Variants in DHX15 observed in about 807,000 individuals in gnomAD.
DHX15 encodes the protein DEAH-box helicase 15, also known as ATP-dependent RNA helicase DHX15.
Under a neutral mutation model 94.4 loss-of-function variants are expected in DHX15, and 11 were observed. That is an observed-to-expected ratio of 0.12 (90% CI 0.07 to 0.19). The LOEUF (loss-of-function observed/expected upper bound fraction) is 0.19. DHX15 is among the 10% of genes least tolerant of loss of function. The pLI, the probability that DHX15 is intolerant of heterozygous loss-of-function variation, is 1.00. For missense variants in DHX15, 304 were observed against 988.5 expected (o/e 0.31, Z 9.29); for synonymous variants, 338 against 329.9 (o/e 1.02, Z -0.27).
At chr4:24,528,759 G>C (rs16875757) in intron 13 of DHX15, among the ~76,000 whole-genome samples, 1 of 151,976 alleles carries the variant, frequency 6.6e-6, no homozygotes, top group Admixed American at 6.5e-5. Context: ...AAAACAATCC[G>C]TTCTTACTCT....
rs1577355923 is a variant in DHX15, at chr4:24,584,486, C to A, written c.-93G>T. ...CAGCCACTTAACTCTGGAGGACCCCCACCCCTCCCGCTACTACAGCCCACA... is the reference window on the plus strand; with the variant it reads ...CAGCCACTTAACTCTGGAGGACCCCAACCCCTCCCGCTACTACAGCCCACA... On this transcript the variant is annotated 5_prime_UTR_variant, in exon 1 of 14. Transcript: ENST00000336812. 1.6e-6 allele frequency: 2 copies of A among 1,239,646 alleles called. No individual in the cohort carries two copies. The highest frequency in any genetic ancestry group is 2.3e-6 in the Non-Finnish European group (2 of 886,686). The allele number at this position is 1,239,646 out of a possible 1,614,324, so 76.8% of individuals were successfully genotyped here.
intron 3 of DHX15, among the ~76,000 whole-genome samples, chr4:24,568,317 A>G (rs1450872031): frequency 6.6e-6 from 1 of 152,184 alleles, no homozygotes; most frequent in Non-Finnish European, 1.5e-5. Context: ...GCAAAGTTAC[A>G]TTTGAAATTT....
intron 1 of DHX15, among the ~76,000 whole-genome samples, chr4:24,578,463 A>G (rs1187086515): frequency 2.0e-5 from 3 of 152,254 alleles, no homozygotes; most frequent in Non-Finnish European, 2.9e-5. Flanking sequence ...CAGCTAGAAA[A>G]GAACTCTTAA....
chr4:24,543,535 C>T (rs1251016142), intron 6 of DHX15, among the ~76,000 whole-genome samples: 2 of 152,106 alleles, frequency 1.3e-5, no homozygotes, highest in Non-Finnish European at 2.9e-5. Context: ...TAAGAATGGA[C>T]AGATCAGCAG....
At chr4:24,578,723 G>A (rs761275145) in intron 1 of DHX15, among the ~76,000 whole-genome samples, 7 of 151,948 alleles carry the variant, frequency 4.6e-5, no homozygotes, top group African/African-American at 1.7e-4. Flanking sequence ...GCACCACCAC[G>A]CCTCGCTAAT....
intron 5 of DHX15, among the ~76,000 whole-genome samples, chr4:24,550,780 G>T (rs564813887): frequency 6.6e-6 from 1 of 152,176 alleles, no homozygotes; most frequent in South Asian, 2.1e-4. Context: ...GATAAAACAT[G>T]TAGTATAGTA....
intron 3 of DHX15, among the ~76,000 whole-genome samples, chr4:24,559,949 C>CA (rs1274889483): frequency 6.6e-6 from 1 of 152,158 alleles, no homozygotes; most frequent in Non-Finnish European, 1.5e-5. Context: ...TCTAAAGTAG[C>CA]AAAAACATCC....
At chr4:24,570,278 T>C (rs1243181222) in intron 3 of DHX15, among the ~76,000 whole-genome samples, 1 of 151,024 alleles carries the variant, frequency 6.6e-6, no homozygotes, top group Non-Finnish European at 1.5e-5. Flanking sequence ...ATAAATCACA[T>C]CCCATCCTAT....
chr4:24,560,152 T>C (rs1181854960), intron 3 of DHX15, among the ~76,000 whole-genome samples: 1 of 152,058 alleles, frequency 6.6e-6, no homozygotes, highest in Non-Finnish European at 1.5e-5. Context: ...ACATCACTAA[T>C]TCTGATTTGA....
chr4:24,576,368 A>G lies in DHX15; in HGVS notation c.382T>C (p.Tyr128His). Residue 128 changes from tyrosine to histidine, a missense_variant, in exon 2 of 14, where the codon TAT becomes CAT. Physicochemically the swap from Tyr to His is moderately conservative, Grantham distance 83. Transcript: ENST00000336812. ...FTNLPHTPRY[Y>H]DILKKRLQLP... is the part of the protein sequence containing the mutation. ...TGAAGACGTTTCTTTAGAATATCAT[A>G]GTATCGAGGAGTATGGGGTAAGTTG... The G allele has an allele frequency of 6.2e-7, 1 of 1,614,178 alleles. No individual in the cohort carries two copies. Among genetic ancestry groups the G allele is most frequent in the Non-Finnish European group, 8.5e-7 (1 of 1,180,040 alleles).
chr4:24,535,750 T>C (rs533516389), intron 11 of DHX15, among the ~76,000 whole-genome samples: 1 of 152,186 alleles, frequency 6.6e-6, no homozygotes, highest in Admixed American at 6.5e-5. Flanking sequence ...ACTGGCCCTC[T>C]AGCACTTCTG....
intron 1 of DHX15, among the ~76,000 whole-genome samples, chr4:24,577,907 G>A (rs988057006): frequency 3.3e-5 from 5 of 152,082 alleles, no homozygotes; most frequent in South Asian, 2.1e-4. Flanking sequence ...GAGACATGAC[G>A]GAGCTATGAC....
chr4:24,557,979 C>CAA (rs58623833), intron 3 of DHX15, among the ~76,000 whole-genome samples: 24 of 127,516 alleles, frequency 1.9e-4, no homozygotes, highest in African/African-American at 3.4e-4. Context: ...ATTTGCAAGG[C>CAA]AAAAAAAAAA....
chr4:24,579,373 A>G (rs1031268139), intron 1 of DHX15, among the ~76,000 whole-genome samples: 1 of 152,230 alleles, frequency 6.6e-6, no homozygotes, highest in African/African-American at 2.4e-5. Context: ...CACTTCATAA[A>G]TATTTGTCAA....
Position 24,570,615 on chromosome 4 carries a change from G to A in DHX15, c.701+39C>T, listed in dbSNP as rs775192565. On this transcript the variant is annotated intron_variant, in intron 3 of 13. Transcript: ENST00000336812. ...TCTATCTAATAGCAGAAAATGGCAA[G>A]CAGAGGACTAAAAGCGTCATTAAAG... is the stretch of plus-strand genomic sequence containing the variant. 11 of 1,585,358 alleles carry A rather than the reference G, an allele frequency of 6.9e-6. No homozygotes were observed. In the East Asian group the frequency reaches 2.2e-4, roughly 32 times the overall value.
chr4:24,573,606 CAGG>C (rs1243127851), intron 2 of DHX15, among the ~76,000 whole-genome samples: 1 of 152,052 alleles, frequency 6.6e-6, no homozygotes, highest in African/African-American at 2.4e-5. Flanking sequence ...GTTCACTAGA[CAGG>C]AGTTTTTTTA....
chr4:24,542,041 C>T lies in DHX15; in HGVS notation c.1336-19G>A, dbSNP rs1721322849. ...TGTAGACCTATTGGAATTGAAATAACACAAGAGTCTTTCTTCAGTCAAACA... is the reference window on the plus strand; with the variant it reads ...TGTAGACCTATTGGAATTGAAATAATACAAGAGTCTTTCTTCAGTCAAACA... On this transcript the variant is annotated intron_variant, in intron 7 of 13. Transcript: ENST00000336812. 1 of 1,566,936 alleles carries T rather than the reference C, an allele frequency of 6.4e-7. No individual in the cohort carries two copies. Among genetic ancestry groups the T allele is most frequent in the Admixed American group, 1.8e-5 (1 of 55,400 alleles).
intron 2 of DHX15, among the ~76,000 whole-genome samples, chr4:24,572,906 C>G (rs1034661270): frequency 1.3e-5 from 2 of 151,828 alleles, no homozygotes; most frequent in Non-Finnish European, 2.9e-5. Context: ...GCCAGGGATC[C>G]GGCTTTTTTG....
intron 11 of DHX15, chr4:24,533,292 G>C (rs1301915082): frequency 1.9e-6 from 1 of 539,756 alleles, no homozygotes; most frequent in African/African-American, 1.9e-5. Flanking sequence ...CAATGCTTTT[G>C]AATTAACTGT....
Sources: gnomAD v4.1 joint callset for allele counts (sites outside exome capture counted in the v4.1 genomes callset) on GRCh38, gnomAD v4.1.1 for gene constraint, MANE v1.5 for transcripts, NCBI Gene and HGNC (gene_info 2026-07-23, HGNC 2026-07-21) for gene names.